UGDH: variants seen among roughly 807,000 people sequenced by gnomAD.
UGDH encodes UDP-glucose 6-dehydrogenase.
In UGDH, 38 loss-of-function variants were observed where a neutral mutation model predicts 50.6. The observed-to-expected ratio is 0.75, with a 90% CI of 0.58 to 0.98. The LOEUF (loss-of-function observed/expected upper bound fraction) is 0.98, where lower values mean the gene tolerates loss of function less well. Ranked by LOEUF, UGDH falls within the 50% of genes least tolerant of loss-of-function variation. The probability of loss-of-function intolerance (pLI) is 0.00; values close to 1 mark genes in which losing one functional copy is unlikely to be tolerated. For synonymous variants in UGDH, 168 were observed against 199.9 expected (o/e 0.84, Z 1.35); for missense variants, 465 against 606.2 (o/e 0.77, Z 2.45).
At chr4:39,510,105 G>A (rs1249849361) in intron 5 of UGDH, among the ~76,000 whole-genome samples, 198 bp from the exon 6 acceptor site, 1 of 152,198 alleles carries the variant, frequency 6.6e-6, no homozygotes, top group African/African-American at 2.4e-5. Context: ...TAAGAAAAAG[G>A]GTAAAGAGGG....
At chr4:39,508,753 T>A in intron 6 of UGDH, 93 bp from the exon 7 acceptor site, 1 of 1,056,202 alleles carries the variant, frequency 9.5e-7, no homozygotes, top group Non-Finnish European at 1.3e-6. Context: ...AGAAAGCTTA[T>A]ACTAAGATTT....
intron 1 of UGDH, chr4:39,526,487 A>G (rs1312762401): frequency 6.6e-6 from 1 of 152,294 alleles, no homozygotes; most frequent in Non-Finnish European, 1.5e-5. Context: ...TCCATTTCTT[A>G]AGGGATTTGA....
chr4:39,507,975 A>G (rs1385568410), intron 7 of UGDH, among the ~76,000 whole-genome samples: 2 of 151,268 alleles, frequency 1.3e-5, no homozygotes, highest in African/African-American at 4.8e-5. Context: ...GAGAAGAGTT[A>G]TAATTAAGGA....
chr4:39,509,246 A>G (rs1368952762), intron 6 of UGDH, among the ~76,000 whole-genome samples: 2 of 151,464 alleles, frequency 1.3e-5, no homozygotes, highest in Non-Finnish European at 2.9e-5. Context: ...TCAGACTCCC[A>G]AAGTGCTGGG....
At chr4:39,509,617 T>C in intron 6 of UGDH, 143 bp downstream of exon 6, 1 of 961,990 alleles carries the variant, frequency 1.0e-6, no homozygotes, top group South Asian at 2.2e-5. Context: ...TGAGTCTGAA[T>C]CATCTCTAAA....
intron 5 of UGDH, 144 bp from the exon 6 acceptor site, chr4:39,510,051 G>C: frequency 1.0e-6 from 1 of 963,422 alleles, no homozygotes; most frequent in Non-Finnish European, 1.5e-6. Context: ...GACAATGGAT[G>C]GGTTAGAAAG....
intron 9 of UGDH, 30 bp downstream of exon 9, chr4:39,505,207 C>A: frequency 6.4e-7 from 1 of 1,565,960 alleles, no homozygotes; most frequent in South Asian, 1.3e-5. Context: ...GGTCTGGACT[C>A]AAAATGATTC....
At chr4:39,519,219 AT>A (rs34649850) in intron 2 of UGDH, among the ~76,000 whole-genome samples, 296 of 145,652 alleles carry the variant, frequency 2.0e-3, no homozygotes, top group Non-Finnish European at 2.1e-3. Context: ...GCCTGGCCGT[AT>A]TTTTTTTTTT....
In UGDH at chr4:39,500,049, A is replaced by G. The variant is rs911671935; in HGVS notation, c.*94T>C. The stretch of plus-strand genomic sequence containing the variant: ...TCTCAAAAAAAAAACAAAAAAAAAC[A>G]CTTGGTTCATTTACCATTTAATAGC... On this transcript the variant is annotated 3_prime_UTR_variant, in exon 12 of 12. Coordinates refer to ENST00000316423, the MANE Select transcript of UGDH (RefSeq NM_003359.4). The G allele has an allele frequency of 4.5e-5, 33 of 734,896 alleles. No individual in the cohort carries two copies. The highest frequency in any genetic ancestry group is 6.3e-5 in the Non-Finnish European group (29 of 460,690). The allele number at this position is 734,896 out of a possible 1,614,324, so 45.5% of individuals were successfully genotyped here.
At chr4:39,523,944 C>T (rs577445843) in intron 1 of UGDH, among the ~76,000 whole-genome samples, 2 of 152,314 alleles carry the variant, frequency 1.3e-5, no homozygotes, top group East Asian at 3.8e-4. Flanking sequence ...TTTGCTTCCA[C>T]ACAAGCAATC....
intron 1 of UGDH, chr4:39,526,957 C>T: frequency 2.4e-6 from 3 of 1,244,682 alleles, no homozygotes; most frequent in African/African-American, 1.5e-5. Flanking sequence ...AGAACCGCTT[C>T]CTGTGGTGGG....
intron 1 of UGDH, among the ~76,000 whole-genome samples, chr4:39,523,967 T>A (rs1350949737): frequency 6.6e-6 from 1 of 152,244 alleles, no homozygotes; most frequent in East Asian, 1.9e-4. Context: ...TTTTCTTGTA[T>A]ATCCTCCCAG....
chr4:39,509,187 C>G (rs1391678074), intron 6 of UGDH, among the ~76,000 whole-genome samples: 1 of 151,212 alleles, frequency 6.6e-6, no homozygotes, highest in Non-Finnish European at 1.5e-5. Context: ...ACCATGCTGC[C>G]CAGGCTGGTC....
intron 11 of UGDH, 136 bp from the exon 12 acceptor site, chr4:39,500,389 G>T: frequency 1.8e-6 from 1 of 551,926 alleles, no homozygotes; most frequent in Non-Finnish European, 3.2e-6. Context: ...GAGTTGCTAT[G>T]AGAGATCTTT....
chr4:39,513,076 G>A (rs917437422), intron 3 of UGDH, among the ~76,000 whole-genome samples: 2 of 152,088 alleles, frequency 1.3e-5, no homozygotes, highest in African/African-American at 2.4e-5. Flanking sequence ...CCAAAGTGCT[G>A]GGATTACAAG....
intron 6 of UGDH, among the ~76,000 whole-genome samples, 199 bp from the exon 7 acceptor site, chr4:39,508,859 T>G (rs939584871): frequency 6.6e-6 from 1 of 151,226 alleles, no homozygotes; most frequent in Admixed American, 6.6e-5. Context: ...TCCAAATAAT[T>G]TTCTAACTAA....
chr4:39,503,270 G>A (rs976185505), intron 11 of UGDH, among the ~76,000 whole-genome samples: 2 of 152,014 alleles, frequency 1.3e-5, no homozygotes, highest in Non-Finnish European at 2.9e-5. Context: ...GGCTGGTCTC[G>A]AACTCCTGGC....
chr4:39,527,319 C>T lies in UGDH; in HGVS notation c.-44G>A, dbSNP rs13146483. 134,427 of 339,322 alleles carry T rather than the reference C, an allele frequency of 0.4. 29,440 individuals carry two copies. Among genetic ancestry groups the T allele is most frequent in the Non-Finnish European group, 0.46 (80,082 of 173,030 alleles). The allele number at this position is 339,322 out of a possible 1,614,324, so 21.0% of individuals were successfully genotyped here. The stretch of plus-strand genomic sequence containing the variant: ...CAGCAAGCGCAGGGACCGCTCCTAT[C>T]CCGATCGTTCGGACAGCACCTTCCT... On this transcript the variant is annotated 5_prime_UTR_variant, in exon 1 of 12. Coordinates refer to ENST00000316423, the MANE Select transcript of UGDH (RefSeq NM_003359.4).
chr4:39,502,537 A>C (rs1745860415), intron 11 of UGDH, among the ~76,000 whole-genome samples: 1 of 152,104 alleles, frequency 6.6e-6, no homozygotes, highest in Non-Finnish European at 1.5e-5. Flanking sequence ...CTACATTGAC[A>C]ACAACCCCCT....
Sources: allele counts gnomAD v4.1 joint callset (sites outside exome capture counted in the v4.1 genomes callset), GRCh38; gene constraint gnomAD v4.1.1; transcripts MANE v1.5; gene names NCBI Gene and HGNC (gene_info 2026-07-23, HGNC 2026-07-21).